NEUROD1: variants seen among roughly 807,000 people sequenced by gnomAD.
NEUROD1 encodes the protein neurogenic differentiation factor 1.
Under a neutral mutation model 21.8 loss-of-function variants are expected in NEUROD1, and 9 were observed. The observed-to-expected ratio is 0.41, with a 90% CI of 0.25 to 0.72. The LOEUF (loss-of-function observed/expected upper bound fraction) is 0.72. NEUROD1 is among the 30% of genes least tolerant of loss of function. The probability of loss-of-function intolerance (pLI) is 0.31; values close to 1 mark genes in which losing one functional copy is unlikely to be tolerated. For missense variants in NEUROD1, 434 were observed against 468.8 expected (o/e 0.93, Z 0.69); for synonymous variants, 199 against 186.2 (o/e 1.07, Z -0.56).
rs980694279 is a variant in NEUROD1, at chr2:181,678,036, C to T, written c.825G>A (p.Pro275=). ...TSPSFDGPLS[P]PLSINGNFSF... Reference sequence around the variant, plus strand: ...AGAAGTTGCCATTGATGCTGAGCGGCGGGCTGAGGGGTCCATCAAAGGAAG... The same window carrying T: ...AGAAGTTGCCATTGATGCTGAGCGGTGGGCTGAGGGGTCCATCAAAGGAAG... Residue 275 remains proline (P), a synonymous_variant, in exon 2 of 2, where the codon CCG becomes CCA. Coordinates refer to ENST00000295108, the MANE Select transcript of NEUROD1 (RefSeq NM_002500.5). This position sits in a 1 kb window ranked among gnomAD's most constrained non-coding sequence, Gnocchi z 5.5. The T allele has an allele frequency of 6.2e-7, 1 of 1,614,092 alleles. No individual in the cohort carries two copies. The highest frequency in any genetic ancestry group is 8.5e-7 in the Non-Finnish European group (1 of 1,180,012).
chr2:181,676,162 T>C (rs1011753821), downstream of NEUROD1, among the ~76,000 whole-genome samples: 3 of 152,164 alleles, frequency 2.0e-5, no homozygotes, highest in South Asian at 2.1e-4. Context: ...ACAATCATTT[T>C]TAAAAATGGA....
Position 181,670,889 on chromosome 2 carries a change from C to T in NEUROD1, n.3057G>A, listed in dbSNP as rs146905723. 3.2e-4 allele frequency among the ~76,000 whole-genome samples: 48 copies of T among 152,222 alleles called. No individual in the cohort carries two copies. In the East Asian group the frequency reaches 8.1e-3, roughly 26 times the overall value. Reference sequence around the variant, plus strand: ...TCCAGCATGAACTTGTATCAATTTACATCTTATATCTTAATTAAATCTGGA... The same window carrying T: ...TCCAGCATGAACTTGTATCAATTTATATCTTATATCTTAATTAAATCTGGA... On this transcript the variant is annotated non_coding_transcript_exon_variant, in exon 2 of 2. Coordinates refer to the NEUROD1 transcript ENST00000496876.
rs201080834 is a variant in NEUROD1 at position 181,677,754 on chromosome 2, G to T, written c.*36C>A. On this transcript the variant is annotated 3_prime_UTR_variant, in exon 2 of 2. Coordinates refer to ENST00000295108, the MANE Select transcript of NEUROD1 (RefSeq NM_002500.5). ...CACGACAGTCACTGTAAGCACAGTG[G>T]GTTCGTTTCCCGGAAATGGTGAAAC... 8 of 1,613,774 alleles carry T rather than the reference G, an allele frequency of 5.0e-6. No homozygotes were observed. The highest frequency in any genetic ancestry group is 1.3e-5 in the African/African-American group (1 of 74,908).
downstream of NEUROD1, chr2:181,672,943 A>G (rs2105588788): frequency 6.6e-6 from 1 of 152,358 alleles, no homozygotes; most frequent in South Asian, 2.1e-4. Context: ...TACTTCATAT[A>G]TGCTAGATTG....
At chr2:181,675,650 G>GT (rs59018409), downstream of NEUROD1, among the ~76,000 whole-genome samples, 5,782 of 145,040 alleles carry the variant, frequency 0.04, 173 homozygotes, top group South Asian at 0.12. Flanking sequence ...ATGCCAAACT[G>GT]TTTTTTTTTT....
rs561017686 is a variant in NEUROD1, at chr2:181,678,138, G to C, written c.723C>G (p.His241Gln). The C allele has an allele frequency of 4.6e-4, 735 of 1,614,186 alleles. 13 individuals are homozygous for C. In the South Asian group the frequency reaches 7.0e-3, roughly 15 times the overall value. The part of the protein sequence containing the change: ...YGTMDSSHVF[H>Q]VKPPPHAYSA... ...TGTAGGCGTGCGGCGGAGGCTTAAC[G>C]TGGAAGACATGGGAGCTGTCCATGG... is the stretch of plus-strand genomic sequence containing the variant. The change falls in exon 2 of 2, where the codon CAC (histidine) becomes CAG (glutamine). Residue 241 changes from histidine to glutamine, a missense_variant. Coordinates refer to ENST00000295108, the MANE Select transcript of NEUROD1 (RefSeq NM_002500.5). The surrounding 1 kb of genome is among the most constrained non-coding windows in gnomAD (Gnocchi z 5.5).
downstream of NEUROD1, among the ~76,000 whole-genome samples, chr2:181,675,650 GTTTT>G (rs59018409): frequency 2.8e-5 from 4 of 145,224 alleles, no homozygotes; most frequent in Admixed American, 2.8e-4. Context: ...ATGCCAAACT[GTTTT>G]TTTTTTTTTG....
rs767837260 is a variant in NEUROD1, at chr2:181,677,848, C to T, written c.1013G>A (p.Ser338Asn). ...CATGACTCGCTCATGATGTGAATGG[C>T]TATCGAAGGACATAATATTGTCTAT... The part of the protein sequence containing the change: ...IPIDNIMSFD[S>N]HSHHERVMSA... Residue 338 changes from serine to asparagine, a missense_variant, in exon 2 of 2, where the codon AGC (serine) becomes AAC (asparagine). Physicochemically the swap from Ser to Asn is conservative, Grantham distance 46. Transcript: ENST00000295108. 2 of 1,614,152 alleles carry T rather than the reference C, an allele frequency of 1.2e-6. No homozygotes were observed. Among genetic ancestry groups the T allele is most frequent in the Non-Finnish European group, 1.7e-6 (2 of 1,180,038 alleles).
At chr2:181,670,912 G>A (rs189364219) in exon 2 of NEUROD1, among the ~76,000 whole-genome samples, 3 of 152,010 alleles carry the variant, frequency 2.0e-5, no homozygotes, top group Admixed American at 6.6e-5. Context: ...AATTAAATCT[G>A]GAAAGACAAT....
chr2:181,678,638 C>T lies in NEUROD1; in HGVS notation c.223G>A (p.Glu75Lys). ...DLEEEEEEEE[E>K]DDDQKPKRRG... ...CTCTTGGGCTTTTGATCGTCATCCT[C>T]CTCTTCCTCTTCTTCCTCCTCTTCC... Residue 75 changes from glutamate (E) to lysine (K), a missense_variant, in exon 2 of 2, where the codon GAG becomes AAG. Glu to Lys is a moderately conservative substitution (Grantham distance 56). Coordinates refer to ENST00000295108, the MANE Select transcript of NEUROD1 (RefSeq NM_002500.5). The surrounding 1 kb of genome is among the most constrained non-coding windows in gnomAD (Gnocchi z 5.5). 6.2e-7 allele frequency: 1 copy of T among 1,613,824 alleles called. No homozygotes were observed. Among genetic ancestry groups the T allele is most frequent in the Non-Finnish European group, 8.5e-7 (1 of 1,179,872 alleles).
At position 181,677,485 on chromosome 2, in the gene NEUROD1, C is replaced by T. The variant is rs1202809131; in HGVS notation, c.*305G>A. ...TAATTATTGCTTGTGATTTTGTTAT[C>T]CCGATCAGATAATTAATACGATCTG... On this transcript the variant is annotated 3_prime_UTR_variant, in exon 2 of 2. Transcript: ENST00000295108. 1.4e-5 allele frequency: 4 copies of T among 295,846 alleles called. No individual in the cohort carries two copies. Among genetic ancestry groups the T allele is most frequent in the Non-Finnish European group, 2.5e-5 (4 of 156,936 alleles). The allele number at this position is 295,846 out of a possible 1,614,324, so 18.3% of individuals were successfully genotyped here. A position where few individuals can be genotyped will look rare whatever the true frequency, so the allele number is the denominator to read the frequency against.
chr2:181,670,633 G>A (rs569419404), exon 2 of NEUROD1, among the ~76,000 whole-genome samples: 1 of 152,252 alleles, frequency 6.6e-6, no homozygotes, highest in African/African-American at 2.4e-5. Flanking sequence ...AAATCAAGGT[G>A]TCAGCAGGGT....
Position 181,677,858 on chromosome 2 carries a change from A to G in NEUROD1, c.1003T>C (p.Ser335Pro), listed in dbSNP as rs1688610144. ...RCEIPIDNIM[S>P]FDSHSHHERV... is the part of the protein sequence containing the mutation. Reference sequence around the variant, plus strand: ...TCATGATGTGAATGGCTATCGAAGGACATAATATTGTCTATGGGGATCTCG... The same window carrying G: ...TCATGATGTGAATGGCTATCGAAGGGCATAATATTGTCTATGGGGATCTCG... Residue 335 changes from serine (S) to proline (P), a missense_variant, in exon 2 of 2, where the codon TCC becomes CCC. Coordinates refer to ENST00000295108, the MANE Select transcript of NEUROD1 (RefSeq NM_002500.5). The G allele has an allele frequency of 6.2e-7, 1 of 1,614,178 alleles. No homozygotes were observed. The highest frequency in any genetic ancestry group is 1.1e-5 in the South Asian group (1 of 91,082).
chr2:181,670,789 C>T (rs2696351), exon 2 of NEUROD1, among the ~76,000 whole-genome samples: 21,844 of 152,042 alleles, frequency 0.14, 3,816 homozygotes, highest in African/African-American at 0.42. Context: ...GCCATTCTTC[C>T]TGTATGCTGT....
At chr2:181,680,281 G>T (rs983296737) in intron 1 of NEUROD1, 149 bp downstream of exon 1, 1 of 152,230 alleles carries the variant, frequency 6.6e-6, no homozygotes, top group African/African-American at 2.4e-5. Flanking sequence ...CTCATTATGT[G>T]TGAGTACTTA....
At position 181,677,967 on chromosome 2, in the gene NEUROD1, G is replaced by A; in HGVS notation, c.894C>T (p.Ala298=). ...EPSAEFEKNY[A]FTMHYPAATL... ...TCGCTGCAGGATAGTGCATGGTAAA[G>A]GCATAATTTTTCTCAAACTCGGCGG... Residue 298 remains alanine, a synonymous_variant, in exon 2 of 2, where the codon GCC becomes GCT. Coordinates refer to ENST00000295108, the MANE Select transcript of NEUROD1 (RefSeq NM_002500.5). 1 of 1,614,216 alleles carries A rather than the reference G, an allele frequency of 6.2e-7. No homozygotes were observed. Among genetic ancestry groups the A allele is most frequent in the Non-Finnish European group, 8.5e-7 (1 of 1,180,044 alleles).
intron 1 of NEUROD1, among the ~76,000 whole-genome samples, chr2:181,679,998 A>T (rs1025037774): frequency 6.6e-6 from 1 of 152,160 alleles, no homozygotes; most frequent in African/African-American, 2.4e-5. Context: ...TGTCCCTTTC[A>T]TTCACTGAAA....
rs374172497 is a variant in NEUROD1, at chr2:181,677,112, A to ATTTTTTTTTTTTTTTTTTTTTT, written c.*656_*677dup. ...TGAAATGAATTGCTCAAATTGTGCA[A>ATTTTTTTTTTTTTTTTTTTTTT]TTTTTTTTTTTTTTTTTTTTTTTTT... On this transcript the variant is annotated 3_prime_UTR_variant, in exon 2 of 2. Coordinates refer to ENST00000295108, the MANE Select transcript of NEUROD1 (RefSeq NM_002500.5). 2.0e-5 allele frequency: 1 copy of ATTTTTTTTTTTTTTTTTTTTTT among 49,428 alleles called. No homozygotes were observed. Among genetic ancestry groups the ATTTTTTTTTTTTTTTTTTTTTT allele is most frequent in the African/African-American group, 7.3e-5 (1 of 13,774 alleles). The allele number at this position is 49,428 out of a possible 1,614,324, so 3.1% of individuals were successfully genotyped here. A position where few individuals can be genotyped will look rare whatever the true frequency, so the allele number is the denominator to read the frequency against.
chr2:181,678,307 G>T lies in NEUROD1; in HGVS notation c.554C>A (p.Ala185Glu). ...CCGAGGATTGAGTTGCAGGCAGCCC[G>T]CAACCAGGTTGGTGGTGGGTTGGGA... ...GLSQPTTNLV[A>E]GCLQLNPRTF... The change falls in exon 2 of 2, where the codon GCG becomes GAG. Residue 185 changes from alanine (A) to glutamate (E), a missense_variant. Coordinates refer to ENST00000295108, the MANE Select transcript of NEUROD1 (RefSeq NM_002500.5). The surrounding 1 kb of genome is among the most constrained non-coding windows in gnomAD (Gnocchi z 5.5). 2 of 1,614,074 alleles carry T rather than the reference G, an allele frequency of 1.2e-6. No individual in the cohort carries two copies. The highest frequency in any genetic ancestry group is 1.1e-5 in the South Asian group (1 of 91,078).
Sources: allele counts gnomAD v4.1 joint callset (sites outside exome capture counted in the v4.1 genomes callset), GRCh38; gene constraint gnomAD v4.1.1; non-coding constraint Gnocchi (gnomAD v3.1); transcripts MANE v1.5; gene names NCBI Gene and HGNC (gene_info 2026-07-23, HGNC 2026-07-21).